The following MACROD2 variants were observed in gnomAD, a reference collection of about 807,000 sequenced individuals.
MACROD2 encodes mono-ADP ribosylhydrolase 2.
MACROD2 carries 36 observed loss-of-function variants against 70.4 expected under a neutral mutation model. That is an observed-to-expected ratio of 0.51 (90% CI 0.39 to 0.68). MACROD2 has a LOEUF of 0.68. Ranked by LOEUF, MACROD2 falls within the 30% of genes least tolerant of loss-of-function variation. MACROD2 has a pLI of 0.00. For synonymous variants in MACROD2, 172 were observed against 178.8 expected, an observed-to-expected ratio of 0.96 and a Z score of 0.30; for missense variants, 496 against 538.4, an observed-to-expected ratio of 0.92 and a Z score of 0.78.
chr20:14,365,591 T>C lies in MACROD2; in HGVS notation c.272-127888T>C, dbSNP rs143544640. 3.3e-3 allele frequency among the ~76,000 whole-genome samples: 500 copies of C among 152,192 alleles called. 2 individuals carry two copies. Among genetic ancestry groups the C allele is most frequent in the Non-Finnish European group, 4.0e-3 (271 of 67,966 alleles). Reference sequence around the variant, plus strand: ...TTGTTTCGTTAACTGTTTGTTGTTTTTCTAATCTCCATTTCATTTATCTCT... The same window carrying C: ...TTGTTTCGTTAACTGTTTGTTGTTTCTCTAATCTCCATTTCATTTATCTCT... On this transcript the variant is annotated intron_variant, in intron 3 of 17. Coordinates refer to ENST00000684519, the MANE Select transcript of MACROD2 (RefSeq NM_001351661.2).
At chr20:14,086,886 C>T (rs1399740870) in intron 3 of MACROD2, among the ~76,000 whole-genome samples, 2 of 152,104 alleles carry the variant, frequency 1.3e-5, no homozygotes, top group Non-Finnish European at 2.9e-5. Context: ...TTGACTGTGG[C>T]TCTTTCCAAG....
chr20:15,167,573 G>A (rs2076394172), intron 5 of MACROD2, among the ~76,000 whole-genome samples: 1 of 152,080 alleles, frequency 6.6e-6, no homozygotes, highest in Admixed American at 6.6e-5. Context: ...CTCTTCAGAG[G>A]CCTCCCCTGC....
chr20:14,165,131 A>G (rs995491686), intron 3 of MACROD2, among the ~76,000 whole-genome samples: 2 of 152,076 alleles, frequency 1.3e-5, no homozygotes, highest in African/African-American at 4.8e-5. Context: ...AGTTCTCAAA[A>G]TGGTGCTGTG....
At chr20:15,740,118 G>C (rs191731209) in intron 8 of MACROD2, among the ~76,000 whole-genome samples, 38 of 152,286 alleles carry the variant, frequency 2.5e-4, no homozygotes, top group African/African-American at 9.1e-4. Flanking sequence ...GCTATGACCA[G>C]CTGTCAGACA....
intron 5 of MACROD2, among the ~76,000 whole-genome samples, chr20:14,786,582 A>G (rs1256733620): frequency 1.3e-5 from 2 of 151,500 alleles, no homozygotes; most frequent in African/African-American, 4.9e-5. Flanking sequence ...AGAGAGAGAG[A>G]GATTTGAGTT....
chr20:14,199,599 T>G (rs1179746510), intron 3 of MACROD2, among the ~76,000 whole-genome samples: 1 of 152,194 alleles, frequency 6.6e-6, no homozygotes. Context: ...TTTGTTGTAG[T>G]TCCTGTTGTG....
At chr20:15,488,937 A>G (rs1281903682) in intron 7 of MACROD2, among the ~76,000 whole-genome samples, 2 of 152,208 alleles carry the variant, frequency 1.3e-5, no homozygotes, top group African/African-American at 4.8e-5. Context: ...AGTCATTATT[A>G]TAATTCCTTA....
At position 14,091,319 on chromosome 20, in the gene MACROD2, G is replaced by A. The variant is rs6110164; in HGVS notation, c.271+5591G>A. 5.0e-3 allele frequency among the ~76,000 whole-genome samples: 768 copies of A among 152,238 alleles called. 2 individuals are homozygous for A. Among genetic ancestry groups the A allele is most frequent in the Non-Finnish European group, 8.0e-3 (547 of 68,010 alleles). ...CTTACAGTAGAGAGTATGGTTACCA[G>A]AGGCTGGAGGGGGATTGGAGGAAGG... On this transcript the variant is annotated intron_variant, in intron 3 of 17. Coordinates refer to ENST00000684519, the MANE Select transcript of MACROD2 (RefSeq NM_001351661.2).
At chr20:14,775,095 TTA>T (rs942992949) in intron 5 of MACROD2, among the ~76,000 whole-genome samples, 1 of 152,064 alleles carries the variant, frequency 6.6e-6, no homozygotes, top group Non-Finnish European at 1.5e-5. Flanking sequence ...AATAAATTGT[TTA>T]TATTTGTGTT....
At chr20:15,244,367 A>G (rs1014428184) in intron 6 of MACROD2, among the ~76,000 whole-genome samples, 2 of 152,198 alleles carry the variant, frequency 1.3e-5, no homozygotes, top group Non-Finnish European at 2.9e-5. Flanking sequence ...TCATATTATT[A>G]CTCATCTAAT....
chr20:15,224,446 TTGTCATTGTGATGC>T (rs1272912948), intron 5 of MACROD2, among the ~76,000 whole-genome samples: 1 of 152,218 alleles, frequency 6.6e-6, no homozygotes, highest in Admixed American at 6.5e-5. Flanking sequence ...CACTGTGATG[TTGTCATTGTGATGC>T]TGTCATTATC....
At chr20:14,196,559 T>C (rs1294875344) in intron 3 of MACROD2, among the ~76,000 whole-genome samples, 3 of 152,220 alleles carry the variant, frequency 2.0e-5, no homozygotes. Context: ...CAAATATTAG[T>C]TTGAACTCTT....
intron 5 of MACROD2, among the ~76,000 whole-genome samples, chr20:15,056,150 T>G (rs916219012): frequency 3.9e-5 from 6 of 152,270 alleles, no homozygotes; most frequent in African/African-American, 1.4e-4. Context: ...CTCCTCTGTA[T>G]GCAGACTAAC....
intron 10 of MACROD2, among the ~76,000 whole-genome samples, chr20:15,927,566 T>G (rs894436762): frequency 6.6e-6 from 1 of 151,974 alleles, no homozygotes; most frequent in African/African-American, 2.4e-5. Flanking sequence ...ACGTTCATGG[T>G]TATGTGTGTG....
intron 3 of MACROD2, among the ~76,000 whole-genome samples, chr20:14,211,119 C>T (rs371237003): frequency 8.5e-5 from 13 of 152,216 alleles, no homozygotes; most frequent in African/African-American, 2.4e-4. Flanking sequence ...ATGAGGTAAA[C>T]GTATACATTG....
intron 3 of MACROD2, among the ~76,000 whole-genome samples, chr20:14,227,677 A>T (rs996577869): frequency 1.3e-5 from 2 of 152,250 alleles, no homozygotes; most frequent in Non-Finnish European, 2.9e-5. Context: ...CAGTGAGACC[A>T]AGGACCCACC....
At chr20:14,010,494 C>T (rs1403423148) in intron 2 of MACROD2, among the ~76,000 whole-genome samples, 1 of 152,148 alleles carries the variant, frequency 6.6e-6, no homozygotes, top group Non-Finnish European at 1.5e-5. Flanking sequence ...TTTCATTTCT[C>T]TAAAAATGTA....
At chr20:15,011,343 A>C (rs1203079054) in intron 5 of MACROD2, among the ~76,000 whole-genome samples, 1 of 152,136 alleles carries the variant, frequency 6.6e-6, no homozygotes, top group East Asian at 1.9e-4. Context: ...ATACAGAGAG[A>C]GAGAGAGTGA....
intron 3 of MACROD2, among the ~76,000 whole-genome samples, chr20:14,312,554 G>A (rs945858930): frequency 1.6e-4 from 25 of 152,052 alleles, no homozygotes; most frequent in African/African-American, 5.6e-4. Flanking sequence ...ATAGAGAGAC[G>A]AAATAATTTG....
Sources: allele counts gnomAD v4.1 joint callset (sites outside exome capture counted in the v4.1 genomes callset), GRCh38; gene constraint gnomAD v4.1.1; transcripts MANE v1.5; gene names NCBI Gene and HGNC (gene_info 2026-07-23, HGNC 2026-07-21).